DLGAP2: variants seen among roughly 807,000 people sequenced by gnomAD.
The protein encoded by DLGAP2 is disks large-associated protein 2.
A neutral mutation model predicts 100.3 loss-of-function variants in DLGAP2; 26 were observed. The observed-to-expected ratio is 0.26, with a 90% CI of 0.19 to 0.36. The LOEUF is 0.36. Among genes scored for constraint, DLGAP2 ranks in the 10% least tolerant of loss-of-function variants. The pLI, the probability that DLGAP2 is intolerant of heterozygous loss-of-function variation, is 1.00. For missense variants in DLGAP2, 1,858 were observed against 1,453.2 expected (o/e 1.28, Z -4.53); for synonymous variants, 886 against 630.1 (o/e 1.41, Z -6.08).
In DLGAP2 at chr8:1,549,027, C is replaced by G. The variant is rs751956855; in HGVS notation, c.574C>G (p.Leu192Val). 7.5e-6 allele frequency: 12 copies of G among 1,596,506 alleles called. No individual in the cohort carries two copies. The African/African-American group carries it at 1.5e-4, about 20-fold the overall frequency. Residue 192 changes from leucine to valine, a missense_variant, in exon 5 of 15, where the codon CTG (leucine) becomes GTG (valine). By Grantham distance (32) the Leu-to-Val change is conservative. Transcript: ENST00000637795. ...GAKINRIPAN[L>V]LDQFEKQLPL... ...CAAGATCAACCGCATCCCGGCCAAC[C>G]TGCTGGACCAGTTCGAGAAGCAGCT...
rs1802048974 is a variant in DLGAP2 at position 1,033,861 on chromosome 8, G to GACCCCGCGTGTCACCGCGAGTGGA, written c.73+125895_73+125896insACCCCGCGTGTCACCGCGAGTGGA. Among the ~76,000 whole-genome samples, 4 of 65,810 alleles carry GACCCCGCGTGTCACCGCGAGTGGA rather than the reference G, an allele frequency of 6.1e-5. 1 individual carries two copies. Among genetic ancestry groups the GACCCCGCGTGTCACCGCGAGTGGA allele is most frequent in the East Asian group, 4.4e-4 (1 of 2,270 alleles). The allele number at this position is 65,810 out of a possible 152,430, so 43.2% of individuals were successfully genotyped here. On this transcript the variant is annotated intron_variant, in intron 2 of 14. Coordinates refer to ENST00000637795, the MANE Select transcript of DLGAP2 (RefSeq NM_001346810.2). The stretch of plus-strand genomic sequence containing the variant: ...CGGCCCCGCGTGTCACCGCGAGTGG[G>GACCCCGCGTGTCACCGCGAGTGGA]TTCACAGCCTCATCCCGACCCCGCG...
At chr8:1,125,091 C>T (rs539858617) in intron 2 of DLGAP2, among the ~76,000 whole-genome samples, 25 of 152,332 alleles carry the variant, frequency 1.6e-4, no homozygotes, top group African/African-American at 5.1e-4. Context: ...TTCCATAAGA[C>T]CTCTGCCTTC....
chr8:1,111,378 G>C (rs890745517), intron 2 of DLGAP2, among the ~76,000 whole-genome samples: 1 of 151,982 alleles, frequency 6.6e-6, no homozygotes, highest in African/African-American at 2.4e-5. Flanking sequence ...GTGTGACCTT[G>C]GGCGTGTTTC....
chr8:1,645,258 C>G (rs753009949), intron 8 of DLGAP2, among the ~76,000 whole-genome samples: 1 of 152,206 alleles, frequency 6.6e-6, no homozygotes, highest in Non-Finnish European at 1.5e-5. Flanking sequence ...CTGTAGAAAC[C>G]ATACTCTGAG....
intron 3 of DLGAP2, among the ~76,000 whole-genome samples, chr8:1,441,881 C>G (rs1040636645): frequency 7.9e-5 from 12 of 151,644 alleles, no homozygotes; most frequent in Admixed American, 1.3e-4. Flanking sequence ...CACAGGGTTG[C>G]TGCACCTATC....
chr8:1,041,842 C>T (rs1394410142), intron 2 of DLGAP2, among the ~76,000 whole-genome samples: 1 of 139,428 alleles, frequency 7.2e-6, no homozygotes, highest in African/African-American at 2.7e-5. Context: ...CGTGGGTCAG[C>T]GTTCTCCGAG....
At chr8:1,668,189 A>G in intron 8 of DLGAP2, 140 bp from the exon 9 acceptor site, 1 of 734,756 alleles carries the variant, frequency 1.4e-6, no homozygotes, top group African/African-American at 1.8e-5. Context: ...CTGTCCCCTC[A>G]TTTCACGCTA....
chr8:1,254,516 C>T lies in DLGAP2; in HGVS notation c.74-4335C>T, dbSNP rs562777272. ...CTAGTTTGGAAGTGGCTCTCATGAA[C>T]TTACCGTGGGGCGCGATCATTGGCA... On this transcript the variant is annotated intron_variant, in intron 2 of 14. Transcript: ENST00000637795. 3.3e-4 allele frequency among the ~76,000 whole-genome samples: 50 copies of T among 152,286 alleles called. 1 individual carries two copies. Among genetic ancestry groups the T allele is most frequent in the African/African-American group, 1.2e-3 (48 of 41,578 alleles).
chr8:783,719 CT>C (rs1314417918), intron 1 of DLGAP2, among the ~76,000 whole-genome samples: 2 of 152,172 alleles, frequency 1.3e-5, no homozygotes, highest in African/African-American at 2.4e-5. Flanking sequence ...ACCCTTCCCC[CT>C]CTTATGAAAG....
intron 2 of DLGAP2, among the ~76,000 whole-genome samples, chr8:1,091,487 C>T (rs1037494519): frequency 2.0e-5 from 3 of 152,186 alleles, no homozygotes; most frequent in African/African-American, 7.2e-5. Flanking sequence ...GTCTTCATTC[C>T]ACCATCCAGA....
At chr8:1,026,626 T>A (rs1236999702) in intron 2 of DLGAP2, among the ~76,000 whole-genome samples, 3 of 152,232 alleles carry the variant, frequency 2.0e-5, no homozygotes, top group Non-Finnish European at 4.4e-5. Context: ...AAATTCACAA[T>A]AATAGATGAC....
At chr8:1,106,522 A>T (rs1474443921) in intron 2 of DLGAP2, among the ~76,000 whole-genome samples, 2 of 148,688 alleles carry the variant, frequency 1.3e-5, no homozygotes, top group African/African-American at 5.0e-5. Context: ...CCATTCTAGG[A>T]GGGTTTTCTA....
At chr8:1,554,221 G>A (rs1047110882) in intron 5 of DLGAP2, among the ~76,000 whole-genome samples, 3 of 152,204 alleles carry the variant, frequency 2.0e-5, no homozygotes, top group Admixed American at 2.0e-4. Flanking sequence ...GTGGGAGGTG[G>A]AGGTTGCAGT....
At chr8:974,795 G>T (rs1045914899) in intron 2 of DLGAP2, among the ~76,000 whole-genome samples, 1 of 152,072 alleles carries the variant, frequency 6.6e-6, no homozygotes, top group African/African-American at 2.4e-5. Flanking sequence ...ATTTAGAAAT[G>T]GAGTAAGATC....
intron 2 of DLGAP2, among the ~76,000 whole-genome samples, chr8:1,026,605 G>A (rs1801807371): frequency 6.6e-6 from 1 of 152,100 alleles, no homozygotes; most frequent in Admixed American, 6.5e-5. Context: ...GTCCACATCT[G>A]GAAACTGACA....
chr8:1,504,930 G>A (rs1799853958), intron 4 of DLGAP2, among the ~76,000 whole-genome samples: 1 of 151,968 alleles, frequency 6.6e-6, no homozygotes, highest in South Asian at 2.1e-4. Context: ...TCATTCTAAT[G>A]TACCCCTAGG....
Position 1,548,630 on chromosome 8 carries a change from G to A in DLGAP2, c.177G>A (p.Pro59=), listed in dbSNP as rs762575514. The A allele has an allele frequency of 2.9e-5, 44 of 1,530,728 alleles. 1 individual carries two copies. Among genetic ancestry groups the A allele is most frequent in the Admixed American group, 1.8e-4 (9 of 50,482 alleles). 94.8% of individuals were successfully genotyped at this position (1,530,728 alleles called of 1,614,324 possible). Residue 59 remains proline, a synonymous_variant, in exon 5 of 15, where the codon CCG becomes CCA. Coordinates refer to ENST00000637795, the MANE Select transcript of DLGAP2 (RefSeq NM_001346810.2). Reference sequence around the variant, plus strand: ...GCCGTTTCTGTTTCCCCACAGACCCGCAGTACTCATGGTCGCCCACGCAGC... The same window carrying A: ...GCCGTTTCTGTTTCCCCACAGACCCACAGTACTCATGGTCGCCCACGCAGC... ...FPGPAEEDLD[P]QYSWSPTQHF...
At chr8:1,159,843 C>T (rs1312182007) in intron 2 of DLGAP2, among the ~76,000 whole-genome samples, 2 of 152,146 alleles carry the variant, frequency 1.3e-5, no homozygotes, top group Non-Finnish European at 2.9e-5. Context: ...TGAACACAGC[C>T]CCCGCAGGGG....
At chr8:831,267 G>C (rs1259042647) in intron 1 of DLGAP2, among the ~76,000 whole-genome samples, 1 of 149,238 alleles carries the variant, frequency 6.7e-6, no homozygotes, top group Non-Finnish European at 1.5e-5. Flanking sequence ...ACAACATGCA[G>C]GTTTGTTACA....
Sources: gnomAD v4.1 joint callset for allele counts (sites outside exome capture counted in the v4.1 genomes callset) on GRCh38, gnomAD v4.1.1 for gene constraint, MANE v1.5 for transcripts, NCBI Gene and HGNC (gene_info 2026-07-23, HGNC 2026-07-21) for gene names.